LRRC9: variants seen among roughly 807,000 people sequenced by gnomAD.
LRRC9 encodes the protein leucine-rich repeat-containing protein 9.
In LRRC9, 122 loss-of-function variants were observed where a neutral mutation model predicts 63.2. The ratio of observed to expected loss-of-function variants is 1.93; its 90% CI spans 1.67 to 2.24. The LOEUF is 2.24. Among genes scored for constraint, LRRC9 ranks in the 30% most tolerant of loss-of-function variants. LRRC9 has a pLI of 0.00. For synonymous variants in LRRC9, 366 were observed against 213.1 expected (o/e 1.72, Z -6.25); for missense variants, 1,071 against 627.7 (o/e 1.71, Z -7.55).
intron 10 of LRRC9, among the ~76,000 whole-genome samples, chr14:59,965,920 A>AAAAAAAAT (rs1274886982): frequency 7.3e-6 from 1 of 136,384 alleles, no homozygotes; most frequent in African/African-American, 2.8e-5. Flanking sequence ...AAAAAAAAAA[A>AAAAAAAAT]GATACTGGTG....
At chr14:60,013,674 C>G (rs1320046011) in intron 23 of LRRC9, among the ~76,000 whole-genome samples, 1 of 152,100 alleles carries the variant, frequency 6.6e-6, no homozygotes, top group Non-Finnish European at 1.5e-5. Flanking sequence ...CTGTCTGACT[C>G]TGGTAATTTC....
intron 22 of LRRC9, 85 bp from the exon 23 acceptor site, chr14:60,008,007 C>A: frequency 1.7e-5 from 8 of 462,078 alleles, no homozygotes; most frequent in South Asian, 1.2e-4. Flanking sequence ...TAGATAATTC[C>A]AATATTAAAA....
At position 60,031,960 on chromosome 14, in the gene LRRC9, A is replaced by G; in HGVS notation, c.3922-35A>G. ...TCTATATTTTAAGATGTTGAGTCTA[A>G]CCAAATAATAACTTACTGATTAACT... On this transcript the variant is annotated intron_variant, in intron 28 of 31. Transcript: ENST00000445360. This position sits in a 1 kb window ranked among gnomAD's most constrained non-coding sequence, Gnocchi z 4.6. 1 of 690,476 alleles carries G rather than the reference A, an allele frequency of 1.4e-6. No individual in the cohort carries two copies. The highest frequency in any genetic ancestry group is 2.6e-6 in the Non-Finnish European group (1 of 380,834). 42.8% of individuals were successfully genotyped at this position (690,476 alleles called of 1,614,324 possible). A position where few individuals can be genotyped will look rare whatever the true frequency, so the allele number is the denominator to read the frequency against.
intron 12 of LRRC9, chr14:59,969,174 T>A (rs986837186): frequency 3.9e-5 from 6 of 152,218 alleles, no homozygotes; most frequent in African/African-American, 1.4e-4. Context: ...TATTTTTGAA[T>A]TTTTACAATT....
At chr14:60,050,652 C>G (rs1893817413) in intron 29 of LRRC9, among the ~76,000 whole-genome samples, 1 of 152,116 alleles carries the variant, frequency 6.6e-6, no homozygotes, top group Non-Finnish European at 1.5e-5. Flanking sequence ...AAGAGGCACT[C>G]TGGCTTTTTG....
intron 7 of LRRC9, among the ~76,000 whole-genome samples, chr14:59,944,180 T>C (rs534564524): frequency 1.3e-5 from 2 of 151,916 alleles, no homozygotes; most frequent in African/African-American, 4.8e-5. Context: ...ACGAATTGAG[T>C]AATGTTGTAT....
intron 20 of LRRC9, among the ~76,000 whole-genome samples, chr14:60,002,412 G>T (rs1182192155): frequency 6.6e-6 from 1 of 152,070 alleles, no homozygotes; most frequent in Admixed American, 6.6e-5. Context: ...ACCAACATCT[G>T]CCCACTTCCC....
chr14:59,967,623 A>G (rs2140004535), intron 12 of LRRC9, among the ~76,000 whole-genome samples: 1 of 152,142 alleles, frequency 6.6e-6, no homozygotes, highest in Non-Finnish European at 1.5e-5. Context: ...TTTATTCTCT[A>G]CTTCACTATC....
chr14:60,032,143 G>A, intron 29 of LRRC9, 80 bp downstream of exon 29: 1 of 628,206 alleles, frequency 1.6e-6, no homozygotes, highest in Admixed American at 2.6e-5. Flanking sequence ...TATTAGAAAG[G>A]GATTTAGTTT....
At chr14:59,970,116 A>AC (rs1276779226) in intron 12 of LRRC9, among the ~76,000 whole-genome samples, 13 of 94,390 alleles carry the variant, frequency 1.4e-4, no homozygotes, top group Admixed American at 6.0e-4. Flanking sequence ...CCTTCTTCCC[A>AC]CCCCCTCCCT....
chr14:60,016,825 T>C lies in LRRC9; in HGVS notation c.3317+35T>C, dbSNP rs372339566. 169 of 626,504 alleles carry C rather than the reference T, an allele frequency of 2.7e-4. 1 individual carries two copies. The East Asian group carries it at 3.9e-3, about 14-fold the overall frequency. The allele number at this position is 626,504 out of a possible 1,614,324, so 38.8% of individuals were successfully genotyped here. Reference sequence around the variant, plus strand: ...TTTTATTATATGCCTTTTTACATTATAATTACATTATGTAATTATTATCAT... The same window carrying C: ...TTTTATTATATGCCTTTTTACATTACAATTACATTATGTAATTATTATCAT... On this transcript the variant is annotated intron_variant, in intron 24 of 31. Transcript: ENST00000445360.
intron 16 of LRRC9, 70 bp from the exon 17 acceptor site, chr14:59,985,035 T>A: frequency 2.0e-6 from 1 of 492,688 alleles, no homozygotes; most frequent in Non-Finnish European, 3.6e-6. Flanking sequence ...ACATTTTACA[T>A]ATCCACACTT....
At chr14:59,996,372 A>G (rs1159645360) in intron 17 of LRRC9, among the ~76,000 whole-genome samples, 1 of 152,162 alleles carries the variant, frequency 6.6e-6, no homozygotes, top group African/African-American at 2.4e-5. Context: ...GTTTTAATTC[A>G]ACTCTTGAAA....
chr14:59,972,481 G>T (rs1042711659), intron 12 of LRRC9, among the ~76,000 whole-genome samples: 3 of 151,964 alleles, frequency 2.0e-5, no homozygotes, highest in African/African-American at 7.2e-5. Context: ...TATTAGTTTT[G>T]TTTTCCTTAA....
intron 29 of LRRC9, among the ~76,000 whole-genome samples, chr14:60,041,949 T>A (rs1233442024): frequency 2.6e-5 from 4 of 152,188 alleles, no homozygotes; most frequent in Non-Finnish European, 5.9e-5. Context: ...CCTTTCTGTT[T>A]GTTAGTTTTC....
rs1308729253 is a variant in LRRC9 at position 59,964,351 on chromosome 14, A to G, written c.1212-2238A>G. 1.3e-5 allele frequency among the ~76,000 whole-genome samples: 2 copies of G among 152,204 alleles called. No individual in the cohort carries two copies. The highest frequency in any genetic ancestry group is 1.9e-4 in the East Asian group (1 of 5,174). ...ACCGCACTGCTCTTGAAGCAAACGC[A>G]GTACTCCACCACATAAGTGGTTTTG... On this transcript the variant is annotated intron_variant, in intron 10 of 31. Coordinates refer to ENST00000445360, the Ensembl canonical transcript of LRRC9. This position sits in a 1 kb window ranked among gnomAD's most constrained non-coding sequence, Gnocchi z 4.4.
In LRRC9 at chr14:59,964,432, A is replaced by T. The variant is rs1217426789; in HGVS notation, c.1212-2157A>T. Reference sequence around the variant, plus strand: ...TTGCATACCTCACACTTACTTCATCATTGCTCAGCTGCTGAATTCCTGGGC... The same window carrying T: ...TTGCATACCTCACACTTACTTCATCTTTGCTCAGCTGCTGAATTCCTGGGC... On this transcript the variant is annotated intron_variant, in intron 10 of 31. Transcript: ENST00000445360. The surrounding 1 kb of genome is among the most constrained non-coding windows in gnomAD (Gnocchi z 4.4). Among the ~76,000 whole-genome samples the T allele has an allele frequency of 6.6e-6, 1 of 152,116 alleles. No homozygotes were observed. Among genetic ancestry groups the T allele is most frequent in the Non-Finnish European group, 1.5e-5 (1 of 68,012 alleles).
At chr14:60,002,049 G>C (rs1172507194) in exon 20 of LRRC9, 1 of 702,322 alleles carries the variant, frequency 1.4e-6, no homozygotes, top group Admixed American at 2.0e-5. Flanking sequence ...TTCTGACGCA[G>C]GTTTCAAAGT....
intron 12 of LRRC9, among the ~76,000 whole-genome samples, chr14:59,967,899 A>G (rs1253097261): frequency 6.6e-6 from 1 of 152,220 alleles, no homozygotes; most frequent in Non-Finnish European, 1.5e-5. Flanking sequence ...GATAATAATA[A>G]TATCTATTTT....
Sources: allele counts gnomAD v4.1 joint callset (sites outside exome capture counted in the v4.1 genomes callset), GRCh38; gene constraint gnomAD v4.1.1; non-coding constraint Gnocchi (gnomAD v3.1); transcripts MANE v1.5; gene names NCBI Gene and HGNC (gene_info 2026-07-23, HGNC 2026-07-21).